The following NUDC variants were observed in gnomAD, a reference collection of about 807,000 sequenced individuals.
NUDC encodes the protein nuclear migration protein nudC.
In NUDC, 14 loss-of-function variants were observed where a neutral mutation model predicts 45.0. The ratio of observed to expected loss-of-function variants is 0.31; its 90% confidence interval spans 0.21 to 0.49. The LOEUF is 0.49. Among genes scored for constraint, NUDC ranks in the 20% least tolerant of loss-of-function variants. The pLI, the probability that NUDC is intolerant of heterozygous loss-of-function variation, is 0.99. For synonymous variants in NUDC, 153 were observed against 156.7 expected (o/e 0.98, Z 0.17); for missense variants, 323 against 426.2 (o/e 0.76, Z 2.13).
At chr1:26,931,298 G>A (rs1401526246) in intron 2 of NUDC, among the ~76,000 whole-genome samples, 1 of 148,918 alleles carries the variant, frequency 6.7e-6, no homozygotes, top group South Asian at 2.2e-4. Flanking sequence ...GGCTGATCTC[G>A]AACTCCTGAC....
At chr1:26,945,139 C>T (rs1321131553) in intron 6 of NUDC, 1 of 580,814 alleles carries the variant, frequency 1.7e-6, no homozygotes, top group Non-Finnish European at 3.1e-6. Flanking sequence ...ACTTTTCTCC[C>T]TCCACCCTGG....
At chr1:26,931,435 T>A (rs2082183049) in intron 2 of NUDC, among the ~76,000 whole-genome samples, 1 of 136,006 alleles carries the variant, frequency 7.4e-6, no homozygotes, top group Non-Finnish European at 1.5e-5. Flanking sequence ...CAGGTTGGAG[T>A]GCAGTGGCAC....
intron 2 of NUDC, among the ~76,000 whole-genome samples, chr1:26,935,192 A>T (rs1226408844): frequency 6.7e-6 from 1 of 148,932 alleles, no homozygotes; most frequent in Non-Finnish European, 1.5e-5. Flanking sequence ...GTGTTGGCCA[A>T]CCTGGTCTCG....
chr1:26,901,749 C>G (rs1292339490), intron 1 of NUDC, among the ~76,000 whole-genome samples: 1 of 152,050 alleles, frequency 6.6e-6, no homozygotes, highest in African/African-American at 2.4e-5. Context: ...ACTATTGATT[C>G]ATTGATTCAT....
intron 2 of NUDC, among the ~76,000 whole-genome samples, chr1:26,908,355 A>G (rs2082011330): frequency 6.6e-6 from 1 of 152,154 alleles, no homozygotes; most frequent in South Asian, 2.1e-4. Flanking sequence ...TCTCATGGAG[A>G]AAGCACGATT....
chr1:26,944,311 C>T (rs1010373603), intron 6 of NUDC, among the ~76,000 whole-genome samples: 3 of 152,118 alleles, frequency 2.0e-5, no homozygotes, highest in Non-Finnish European at 4.4e-5. Flanking sequence ...CGGGCTCAAA[C>T]GACCCTCCCA....
chr1:26,932,328 A>G (rs2082190391), intron 2 of NUDC, among the ~76,000 whole-genome samples: 2 of 151,678 alleles, frequency 1.3e-5, no homozygotes, highest in Non-Finnish European at 2.9e-5. Context: ...AGGTGCGCAC[A>G]ACCATGCCGG....
chr1:26,945,893 G>C (rs968013602), intron 8 of NUDC, among the ~76,000 whole-genome samples: 8 of 152,142 alleles, frequency 5.3e-5, no homozygotes, highest in Non-Finnish European at 4.4e-5. Flanking sequence ...TGCATGATAG[G>C]AGGGAAGGGG....
Position 26,941,555 on chromosome 1 carries a change from G to A in NUDC, c.258G>A (p.Glu86=), listed in dbSNP as rs374077343. 2.5e-6 allele frequency: 4 copies of A among 1,611,326 alleles called. No individual in the cohort carries two copies. The highest frequency in any genetic ancestry group is 2.7e-5 in the African/African-American group (2 of 74,918). The change falls in exon 3 of 9, where the codon GAG becomes GAA. Residue 86 remains glutamate, a synonymous_variant. Coordinates refer to ENST00000321265, the MANE Select transcript of NUDC (RefSeq NM_006600.4). ...RQEAERREKA[E]RAARLAKEAK... Reference sequence around the variant, plus strand: ...AGGCCGAGCGGCGGGAGAAGGCGGAGCGGGCGGCCAGACTGGCCAAGGAAG... The same window carrying A: ...AGGCCGAGCGGCGGGAGAAGGCGGAACGGGCGGCCAGACTGGCCAAGGAAG...
At chr1:26,917,973 TACACACACACAC>T (rs113458577), upstream of NUDC, among the ~76,000 whole-genome samples, 2 of 147,446 alleles carry the variant, frequency 1.4e-5, no homozygotes, top group African/African-American at 2.5e-5. Flanking sequence ...AATGAATGTG[TACACACACACAC>T]ACACACACAC....
rs149446588 is a variant in NUDC at position 26,925,814 on chromosome 1, C to T, written c.159+1648C>T. ...TCAGCTCACCACAACCTCCGCCTTGCGAGTTCAAGCAATTCTCCTGCCTCA... is the reference window on the plus strand; with the variant it reads ...TCAGCTCACCACAACCTCCGCCTTGTGAGTTCAAGCAATTCTCCTGCCTCA... On this transcript the variant is annotated intron_variant, in intron 2 of 8. Transcript: ENST00000321265. 6.0e-3 allele frequency among the ~76,000 whole-genome samples: 900 copies of T among 149,964 alleles called. 14 individuals carry two copies. The highest frequency in any genetic ancestry group is 0.02 in the African/African-American group (827 of 40,762).
chr1:26,900,372 A>C (rs1557662262), exon 1 of NUDC: 2 of 1,614,050 alleles, frequency 1.2e-6, no homozygotes, highest in South Asian at 2.2e-5. Flanking sequence ...GGCCGAGCGC[A>C]ACACGGAGGG....
intron 1 of NUDC, 95 bp from the exon 2 acceptor site, chr1:26,923,994 C>T (rs960956401): frequency 1.3e-5 from 15 of 1,130,500 alleles, no homozygotes; most frequent in Non-Finnish European, 2.0e-5. Context: ...TAGTCAAGTC[C>T]CAAGTTCCCT....
chr1:26,927,672 A>G (rs909022060), intron 2 of NUDC, among the ~76,000 whole-genome samples: 1 of 152,036 alleles, frequency 6.6e-6, no homozygotes, highest in Non-Finnish European at 1.5e-5. Context: ...CTGGGATTAC[A>G]GTCATGAGCC....
chr1:26,908,525 A>G (rs1212867035), intron 2 of NUDC, among the ~76,000 whole-genome samples: 1 of 152,144 alleles, frequency 6.6e-6, no homozygotes, highest in Non-Finnish European at 1.5e-5. Context: ...GTAGGGAAGA[A>G]ATTTGAAAAG....
upstream of NUDC, among the ~76,000 whole-genome samples, chr1:26,920,457 G>A (rs1334193874): frequency 1.3e-5 from 2 of 151,694 alleles, no homozygotes; most frequent in Non-Finnish European, 2.9e-5. Context: ...CTCCAGCCTG[G>A]GCAACAGAGT....
intron 2 of NUDC, among the ~76,000 whole-genome samples, chr1:26,930,908 C>T (rs1344352021): frequency 6.6e-6 from 1 of 151,360 alleles, no homozygotes; most frequent in African/African-American, 2.4e-5. Context: ...CCCAGCTACT[C>T]GAGAAGCTGA....
intron 2 of NUDC, among the ~76,000 whole-genome samples, chr1:26,931,514 C>T (rs369973404): frequency 6.8e-6 from 1 of 147,906 alleles, no homozygotes; most frequent in African/African-American, 2.5e-5. Context: ...GGCACGGTGG[C>T]TCACACCTAT....
chr1:26,905,253 T>G (rs2081998467), intron 2 of NUDC, among the ~76,000 whole-genome samples: 1 of 148,754 alleles, frequency 6.7e-6, no homozygotes, highest in Non-Finnish European at 1.5e-5. Context: ...CTCCGCCTCC[T>G]GGGTTCAGGC....
Sources: allele counts gnomAD v4.1 joint callset (sites outside exome capture counted in the v4.1 genomes callset), GRCh38; gene constraint gnomAD v4.1.1; transcripts MANE v1.5; gene names NCBI Gene and HGNC (gene_info 2026-07-23, HGNC 2026-07-21).